The following MAPT variants were observed in gnomAD, a reference collection of about 807,000 sequenced individuals.
MAPT encodes the protein microtubule associated protein tau, also known as microtubule-associated protein tau.
In MAPT, 34 loss-of-function variants were observed where a neutral mutation model predicts 67.9. The observed-to-expected ratio is 0.50, with a 90% CI of 0.38 to 0.67. MAPT has a LOEUF of 0.67. MAPT is among the 30% of genes least tolerant of loss of function. The pLI is 0.00. For synonymous variants in MAPT, 456 were observed against 464.5 expected, an observed-to-expected ratio of 0.98 and a Z score of 0.23; for missense variants, 881 against 1,115.2, an observed-to-expected ratio of 0.79 and a Z score of 2.99.
chr17:46,005,075 T>C (rs74450848), intron 9 of MAPT, among the ~76,000 whole-genome samples: 21,758 of 152,308 alleles, frequency 0.14, 2,125 homozygotes, highest in Non-Finnish European at 0.22. Flanking sequence ...TGAGCCACCG[T>C]GCCCGGCCAG....
chr17:45,929,853 G>A (rs928315463), intron 1 of MAPT, among the ~76,000 whole-genome samples: 117 of 152,228 alleles, frequency 7.7e-4, no homozygotes, highest in South Asian at 2.1e-4. Flanking sequence ...TTGCCTGGCC[G>A]TTGTGTGCTG....
chr17:46,000,147 G>A (rs541346235), intron 9 of MAPT, among the ~76,000 whole-genome samples: 10 of 152,296 alleles, frequency 6.6e-5, no homozygotes, highest in African/African-American at 1.2e-4. Flanking sequence ...CAACCGTGCC[G>A]GAACAGATGC....
chr17:46,009,243 C>G (rs1466570531), intron 9 of MAPT, among the ~76,000 whole-genome samples: 4 of 152,162 alleles, frequency 2.6e-5, no homozygotes, highest in African/African-American at 9.7e-5. Flanking sequence ...CACACTGTTT[C>G]CACTGTTTCC....
intron 1 of MAPT, chr17:45,895,048 C>CGTGTGTGTGTGTGTGT (rs10593245): frequency 7.5e-6 from 1 of 133,558 alleles, no homozygotes; most frequent in African/African-American, 2.9e-5. Flanking sequence ...CCGCAATGGG[C>CGTGTGTGTGTGTGTGT]GTGTGTGTGT....
At chr17:45,994,594 G>A (rs2074326819) in intron 8 of MAPT, among the ~76,000 whole-genome samples, 1 of 152,298 alleles carries the variant, frequency 6.6e-6, no homozygotes, top group East Asian at 1.9e-4. Context: ...AGGTTGAGGT[G>A]GGAGAATCGC....
intron 12 of MAPT, 100 bp from the exon 13 acceptor site, chr17:46,023,856 A>C: frequency 5.1e-6 from 5 of 985,986 alleles, no homozygotes; most frequent in South Asian, 1.3e-5. Context: ...CAAACAAAAA[A>C]CAGTCCCTGG....
chr17:45,979,273 T>C (rs888578292), intron 4 of MAPT: 1 of 152,228 alleles, frequency 6.6e-6, no homozygotes, highest in Non-Finnish European at 1.5e-5. Context: ...AGACCTATGG[T>C]ACTGATATAA....
chr17:45,978,484 G>C (rs767697037), intron 4 of MAPT, 44 bp downstream of exon 4: 14 of 1,261,780 alleles, frequency 1.1e-5, no homozygotes, highest in Non-Finnish European at 1.6e-5. Flanking sequence ...GGGTTGGGGG[G>C]AGGGACATGG....
At chr17:45,932,107 C>CA in intron 1 of MAPT, 1 of 150,676 alleles carries the variant, frequency 6.6e-6, no homozygotes, top group South Asian at 2.1e-4. Flanking sequence ...AAAAAAGAAA[C>CA]ACAAAAACTC....
chr17:45,938,235 C>T (rs983443620), intron 1 of MAPT, among the ~76,000 whole-genome samples: 1 of 152,204 alleles, frequency 6.6e-6, no homozygotes, highest in Non-Finnish European at 1.5e-5. Context: ...GGCAAGGTTG[C>T]GGTCCTTTCT....
rs942726618 is a variant in MAPT, at chr17:45,936,919, G to A, written c.-17-25402G>A. ...CAGTGTGCATGCCCAGGGACATAGA[G>A]CAGTGTGCAAAGTCCCATTCCATCT... On this transcript the variant is annotated intron_variant, in intron 1 of 12. Coordinates refer to ENST00000262410, the MANE Select transcript of MAPT (RefSeq NM_001377265.1). Among the ~76,000 whole-genome samples, 14 of 152,162 alleles carry A rather than the reference G, an allele frequency of 9.2e-5. No individual in the cohort carries two copies. In the East Asian group the frequency reaches 2.1e-3, roughly 23 times the overall value.
At chr17:45,945,080 T>G (rs986597447) in intron 1 of MAPT, among the ~76,000 whole-genome samples, 3 of 152,180 alleles carry the variant, frequency 2.0e-5, no homozygotes, top group African/African-American at 2.4e-5. Flanking sequence ...TTGGAGCGAC[T>G]CCTCCTACAT....
intron 1 of MAPT, among the ~76,000 whole-genome samples, chr17:45,946,609 A>ATATATAT (rs2068509914): frequency 9.8e-6 from 1 of 102,412 alleles, no homozygotes; most frequent in Admixed American, 1.1e-4. Flanking sequence ...AAAAAAAAAA[A>ATATATAT]AAAAAAATAT....
At position 45,971,569 on chromosome 17, in the gene MAPT, C is replaced by CACCA. The variant is rs879462148; in HGVS notation, c.134-290_134-289insACCA. Reference sequence around the variant, plus strand: ...TTGACCAATGGAAGATAAACCTTTGCCTCAGGTGGCACCACTAGCTGGTTA... The same window carrying CACCA: ...TTGACCAATGGAAGATAAACCTTTGCACCACTCAGGTGGCACCACTAGCTGGTTA... On this transcript the variant is annotated intron_variant, in intron 2 of 12. Transcript: ENST00000262410. The surrounding 1 kb of genome is among the most constrained non-coding windows in gnomAD (Gnocchi z 4.3). Among the ~76,000 whole-genome samples, 21,992 of 152,234 alleles carry CACCA rather than the reference C, an allele frequency of 0.14. 2,137 individuals carry two copies. The highest frequency in any genetic ancestry group is 0.22 in the Non-Finnish European group (14,743 of 68,004).
chr17:45,975,331 A>G (rs2072217527), intron 3 of MAPT: 1 of 152,186 alleles, frequency 6.6e-6, no homozygotes, highest in African/African-American at 2.4e-5. Context: ...CCTCCTAAAG[A>G]TGGTACTCCC....
chr17:45,930,253 A>G (rs1451895424), intron 1 of MAPT, among the ~76,000 whole-genome samples: 1 of 152,134 alleles, frequency 6.6e-6, no homozygotes, highest in African/African-American at 2.4e-5. Context: ...AAAACAAAAC[A>G]AAAATTAGCC....
At position 45,983,113 on chromosome 17, in the gene MAPT, C is replaced by G; in HGVS notation, c.534C>G (p.Gly178=). ...QEPSLEWGQK[G]GDWAEKGPAF... ...CCTCCCTGGAGTGGGGACAAAAAGG[C>G]GGGGACTGGGCCGAGAAGGGTCCGG... Residue 178 remains glycine, a synonymous_variant, in exon 5 of 13, where the codon GGC becomes GGG. Transcript: ENST00000262410. 6.4e-7 allele frequency: 1 copy of G among 1,561,218 alleles called. No individual in the cohort carries two copies.
At position 45,982,900 on chromosome 17, in the gene MAPT, G is replaced by T. The variant is rs772581321; in HGVS notation, c.321G>T (p.Ala107=). Residue 107 remains alanine (A), a synonymous_variant, in exon 5 of 13, where the codon GCG becomes GCT. Transcript: ENST00000262410. ...ELRVPGRQRK[A]PERPLANEIS... Reference sequence around the variant, plus strand: ...GAGTTCCGGGCCGGCAGAGGAAGGCGCCTGAAAGGCCCCTGGCCAATGAGA... The same window carrying T: ...GAGTTCCGGGCCGGCAGAGGAAGGCTCCTGAAAGGCCCCTGGCCAATGAGA... The T allele has an allele frequency of 1.1e-5, 14 of 1,326,576 alleles. No homozygotes were observed. Among genetic ancestry groups the T allele is most frequent in the Non-Finnish European group, 1.3e-5 (14 of 1,039,520 alleles). 82.2% of individuals were successfully genotyped at this position (1,326,576 alleles called of 1,614,324 possible).
At chr17:45,927,284 G>T (rs564912630) in intron 1 of MAPT, among the ~76,000 whole-genome samples, 1 of 152,162 alleles carries the variant, frequency 6.6e-6, no homozygotes, top group African/African-American at 2.4e-5. Context: ...GTCCTTAGAT[G>T]TTGGGGAAGG....
Sources: gnomAD v4.1 joint callset for allele counts (sites outside exome capture counted in the v4.1 genomes callset) on GRCh38, gnomAD v4.1.1 for gene constraint, Gnocchi (gnomAD v3.1) non-coding constraint, MANE v1.5 for transcripts, NCBI Gene and HGNC (gene_info 2026-07-23, HGNC 2026-07-21) for gene names.